The following ADAMTS2 variants were observed in gnomAD, a reference collection of about 807,000 sequenced individuals.
ADAMTS2 encodes the protein A disintegrin and metalloproteinase with thrombospondin motifs 2.
In ADAMTS2, 50 loss-of-function variants were observed where a neutral mutation model predicts 123.0. That is an observed-to-expected ratio of 0.41 (90% CI 0.32 to 0.51). ADAMTS2 has a LOEUF of 0.51. ADAMTS2 is among the 20% of genes least tolerant of loss of function. The pLI is 0.35. For missense variants in ADAMTS2, 1,494 were observed against 1,705.2 expected, an observed-to-expected ratio of 0.88 and a Z score of 2.18; for synonymous variants, 678 against 695.4, an observed-to-expected ratio of 0.98 and a Z score of 0.39.
intron 2 of ADAMTS2, among the ~76,000 whole-genome samples, chr5:179,277,554 C>G (rs1581240201): frequency 4.8e-5 from 1 of 20,826 alleles, no homozygotes; most frequent in Non-Finnish European, 8.7e-5. Flanking sequence ...CAAAGGCTGA[C>G]CCCCCCGCGA....
intron 4 of ADAMTS2, among the ~76,000 whole-genome samples, chr5:179,183,041 T>C (rs367611221): frequency 5.3e-5 from 8 of 152,272 alleles, no homozygotes; most frequent in African/African-American, 1.9e-4. Context: ...GCAGGTGCAA[T>C]GGAATGGTGC....
chr5:179,137,264 C>T (rs889857376), intron 12 of ADAMTS2, among the ~76,000 whole-genome samples: 3 of 152,194 alleles, frequency 2.0e-5, no homozygotes, highest in Non-Finnish European at 2.9e-5. Flanking sequence ...TCCCCAGCTG[C>T]CACACAAGCA....
At chr5:179,338,522 C>T (rs1196775592) in intron 2 of ADAMTS2, among the ~76,000 whole-genome samples, 3 of 152,112 alleles carry the variant, frequency 2.0e-5, no homozygotes, top group Non-Finnish European at 2.9e-5. Context: ...GGAGTCATTG[C>T]CCCACCCTCC....
intron 10 of ADAMTS2, among the ~76,000 whole-genome samples, chr5:179,147,041 T>A (rs1177918983): frequency 6.6e-6 from 1 of 152,208 alleles, no homozygotes; most frequent in Admixed American, 6.5e-5. Context: ...CTTCATTTAT[T>A]GTCATCCATA....
In ADAMTS2 at chr5:179,314,009, A is replaced by G. The variant is rs1221594489; in HGVS notation, c.534+29758T>C. On this transcript the variant is annotated intron_variant, in intron 2 of 21. Coordinates refer to ENST00000251582, the MANE Select transcript of ADAMTS2 (RefSeq NM_014244.5). This position sits in a 1 kb window ranked among gnomAD's most constrained non-coding sequence, Gnocchi z 4.5. ...AGACAGAGGAGGGCCTGGCCGGAGC[A>G]GGGGTGTCAGCTCCAGGACCAGGAG... 6.6e-6 allele frequency among the ~76,000 whole-genome samples: 1 copy of G among 151,916 alleles called. No homozygotes were observed. Among genetic ancestry groups the G allele is most frequent in the Admixed American group, 6.6e-5 (1 of 15,254 alleles).
intron 2 of ADAMTS2, 146 bp from the exon 3 acceptor site, chr5:179,273,210 G>A (rs1766595606): frequency 7.7e-7 from 1 of 1,305,866 alleles, no homozygotes. Context: ...CCCTGGGCTG[G>A]CCGGAGGGTA....
chr5:179,224,056 C>T (rs565161429), intron 3 of ADAMTS2, among the ~76,000 whole-genome samples: 40 of 152,308 alleles, frequency 2.6e-4, no homozygotes, highest in African/African-American at 6.5e-4. Context: ...TAGGACGAGG[C>T]GCAGCGTGGA....
chr5:179,306,468 T>A (rs1470519106), intron 2 of ADAMTS2, among the ~76,000 whole-genome samples: 1 of 152,198 alleles, frequency 6.6e-6, no homozygotes, highest in Non-Finnish European at 1.5e-5. Context: ...CTCAACCTGG[T>A]AAGAATATCT....
chr5:179,338,476 G>T (rs999966651), intron 2 of ADAMTS2, among the ~76,000 whole-genome samples: 6 of 152,302 alleles, frequency 3.9e-5, no homozygotes, highest in Admixed American at 3.9e-4. Context: ...AGGCATCTCT[G>T]TAGGGGCCCT....
intron 7 of ADAMTS2, among the ~76,000 whole-genome samples, chr5:179,154,550 G>T (rs982654641): frequency 5.3e-5 from 8 of 152,242 alleles, no homozygotes; most frequent in African/African-American, 1.9e-4. Flanking sequence ...GGGCTTGGAT[G>T]TGATAATGGG....
chr5:179,304,142 T>C (rs775406471), intron 2 of ADAMTS2, among the ~76,000 whole-genome samples: 2 of 152,138 alleles, frequency 1.3e-5, no homozygotes, highest in Non-Finnish European at 2.9e-5. Flanking sequence ...GGACCTGACA[T>C]TGAACCGCAA....
intron 2 of ADAMTS2, among the ~76,000 whole-genome samples, chr5:179,302,409 C>T (rs886749087): frequency 4.9e-5 from 5 of 101,644 alleles, no homozygotes; most frequent in Non-Finnish European, 7.9e-5. Flanking sequence ...AAAAAAAAAG[C>T]GGGGGAGTGA....
At chr5:179,270,756 G>A (rs1766509907) in intron 3 of ADAMTS2, among the ~76,000 whole-genome samples, 1 of 152,208 alleles carries the variant, frequency 6.6e-6, no homozygotes, top group South Asian at 2.1e-4. Context: ...GTCGATCTCA[G>A]CCCAGGGCCA....
At position 179,141,262 on chromosome 5, in the gene ADAMTS2, G is replaced by A. The variant is rs1009158591; in HGVS notation, c.1630-1227C>T. Among the ~76,000 whole-genome samples, 7 of 152,332 alleles carry A rather than the reference G, an allele frequency of 4.6e-5. No individual in the cohort carries two copies. In the East Asian group the frequency reaches 1.3e-3, roughly 29 times the overall value. On this transcript the variant is annotated intron_variant, in intron 10 of 21. Coordinates refer to ENST00000251582, the MANE Select transcript of ADAMTS2 (RefSeq NM_014244.5). ...AAATTCTTTCTGTAAAAGGGCCAGAGAGTAACTATTGTAGACTTTGCAGGC... is the reference window on the plus strand; with the variant it reads ...AAATTCTTTCTGTAAAAGGGCCAGAAAGTAACTATTGTAGACTTTGCAGGC...
chr5:179,241,794 A>C (rs1441594782), intron 3 of ADAMTS2, among the ~76,000 whole-genome samples: 1 of 152,254 alleles, frequency 6.6e-6, no homozygotes, highest in Non-Finnish European at 1.5e-5. Context: ...ACAGTGCATT[A>C]AAATAAACTA....
intron 3 of ADAMTS2, among the ~76,000 whole-genome samples, chr5:179,258,257 A>T (rs1766119472): frequency 1.3e-5 from 2 of 148,314 alleles, no homozygotes; most frequent in Admixed American, 6.7e-5. Context: ...TCCCAGCCTG[A>T]CCCCCCCAGA....
At chr5:179,123,989 T>C (rs1317791121) in intron 19 of ADAMTS2, among the ~76,000 whole-genome samples, 2 of 152,216 alleles carry the variant, frequency 1.3e-5, no homozygotes, top group East Asian at 1.9e-4. Flanking sequence ...GCATTTCACA[T>C]GCATTGCCAC....
At chr5:179,216,632 A>G (rs1373911770) in intron 3 of ADAMTS2, among the ~76,000 whole-genome samples, 3 of 152,240 alleles carry the variant, frequency 2.0e-5, no homozygotes, top group Non-Finnish European at 2.9e-5. Context: ...CCGGAGAAGC[A>G]GAAGTCAGAC....
rs529655937 is a variant in ADAMTS2 at position 179,300,690 on chromosome 5, T to C, written c.535-27626A>G. Among the ~76,000 whole-genome samples the C allele has an allele frequency of 1.2e-4, 18 of 152,214 alleles. 2 individuals are homozygous for C. The highest frequency in any genetic ancestry group is 6.8e-3 in the Middle Eastern group (2 of 294). ...AGACGTTTCTCAAAGTGAAGATAAA[T>C]CCCCTTATAAAGGAGGCCCTGGTTT... On this transcript the variant is annotated intron_variant, in intron 2 of 21. Coordinates refer to ENST00000251582, the MANE Select transcript of ADAMTS2 (RefSeq NM_014244.5).
Sources: allele counts gnomAD v4.1 joint callset (sites outside exome capture counted in the v4.1 genomes callset), GRCh38; gene constraint gnomAD v4.1.1; non-coding constraint Gnocchi (gnomAD v3.1); transcripts MANE v1.5; gene names NCBI Gene and HGNC (gene_info 2026-07-23, HGNC 2026-07-21).